ALG14: variants seen among roughly 807,000 people sequenced by gnomAD.
ALG14 encodes the protein UDP-N-acetylglucosamine transferase subunit ALG14.
A neutral mutation model predicts 22.8 loss-of-function variants in ALG14; 17 were observed. The observed-to-expected ratio is 0.75, with a 90% CI of 0.51 to 1.12. The LOEUF (loss-of-function observed/expected upper bound fraction) is 1.12. Ranked by LOEUF, ALG14 falls within the 50% of genes most tolerant of loss-of-function variation. The pLI is 0.00. For missense variants in ALG14, 288 were observed against 271.8 expected (o/e 1.06, Z -0.42); for synonymous variants, 89 against 103.7 (o/e 0.86, Z 0.86).
At position 95,003,380 on chromosome 1, in the gene ALG14, T is replaced by C. The variant is rs17112869; in HGVS notation, c.421-20074A>G. On this transcript the variant is annotated intron_variant, in intron 3 of 3. Transcript: ENST00000370205. ...ACAGGGGTTTGCAGGCACATAATAT[T>C]CCACAGTGGTTGTGGACTTTAAAAG... is the stretch of plus-strand genomic sequence containing the variant. Among the ~76,000 whole-genome samples the C allele has an allele frequency of 3.2e-3, 480 of 151,822 alleles. 1 individual carries two copies. Among genetic ancestry groups the C allele is most frequent in the African/African-American group, 0.011 (463 of 41,426 alleles).
intron 3 of ALG14, among the ~76,000 whole-genome samples, chr1:95,006,816 AAT>A (rs759159158): frequency 6.6e-6 from 1 of 152,212 alleles, no homozygotes; most frequent in Non-Finnish European, 1.5e-5. Flanking sequence ...TGGTCTCTGT[AAT>A]ACTTTCTGGT....
At position 95,065,019 on chromosome 1, in the gene ALG14, T is replaced by C; in HGVS notation, c.137-2A>G. On this transcript the variant is annotated splice_acceptor_variant, in intron 1 of 3. Coordinates refer to ENST00000370205, the MANE Select transcript of ALG14 (RefSeq NM_144988.4). LOFTEE classifies it high-confidence loss of function. Reference sequence around the variant, plus strand: ...TCAGGATCTCAGTGGTATGCCCACCTGGAAAAAATATCAGAAGTCCTAAGA... The same window carrying C: ...TCAGGATCTCAGTGGTATGCCCACCCGGAAAAAATATCAGAAGTCCTAAGA... 1.9e-6 allele frequency: 3 copies of C among 1,608,424 alleles called. No homozygotes were observed. Among genetic ancestry groups the C allele is most frequent in the Non-Finnish European group, 2.5e-6 (3 of 1,177,342 alleles).
intron 3 of ALG14, among the ~76,000 whole-genome samples, chr1:94,996,526 A>G (rs1261765923): frequency 6.6e-6 from 1 of 152,200 alleles, no homozygotes; most frequent in African/African-American, 2.4e-5. Context: ...TTCCCATAGC[A>G]GAGAGAACTG....
chr1:95,056,324 T>A (rs1417398165), intron 2 of ALG14, among the ~76,000 whole-genome samples: 1 of 152,142 alleles, frequency 6.6e-6, no homozygotes, highest in African/African-American at 2.4e-5. Context: ...AAGAAATCAA[T>A]TCCAGATGAA....
At chr1:94,994,924 T>A (rs1201349984) in intron 3 of ALG14, among the ~76,000 whole-genome samples, 1 of 152,204 alleles carries the variant, frequency 6.6e-6, no homozygotes, top group Non-Finnish European at 1.5e-5. Flanking sequence ...GAGAAAATGG[T>A]GAAATGGTTA....
At chr1:95,000,894 C>CAA (rs1673048115) in intron 3 of ALG14, among the ~76,000 whole-genome samples, 1 of 152,012 alleles carries the variant, frequency 6.6e-6, no homozygotes, top group African/African-American at 2.4e-5. Context: ...TGACCAATTC[C>CAA]ACCTCAGGCT....
intron 3 of ALG14, among the ~76,000 whole-genome samples, chr1:95,009,703 G>A (rs535220222): frequency 1.3e-5 from 2 of 152,256 alleles, no homozygotes; most frequent in East Asian, 3.9e-4. Context: ...GGAGACTAAG[G>A]AGATCTAACA....
At chr1:95,049,929 G>A (rs986939971) in intron 2 of ALG14, among the ~76,000 whole-genome samples, 4 of 152,090 alleles carry the variant, frequency 2.6e-5, no homozygotes, top group Admixed American at 2.0e-4. Flanking sequence ...AAAACATTTA[G>A]AAATTTATTG....
At chr1:95,011,467 C>T (rs552057390) in intron 3 of ALG14, among the ~76,000 whole-genome samples, 1 of 151,704 alleles carries the variant, frequency 6.6e-6, no homozygotes, top group Non-Finnish European at 1.5e-5. Context: ...ACTCTGTCGC[C>T]CAGGCTGGAG....
At chr1:94,990,461 G>A (rs1672744027) in intron 3 of ALG14, among the ~76,000 whole-genome samples, 1 of 152,072 alleles carries the variant, frequency 6.6e-6, no homozygotes, top group Admixed American at 6.5e-5. Context: ...CTAAACCCTC[G>A]AATCCCTGAC....
intron 3 of ALG14, among the ~76,000 whole-genome samples, chr1:95,008,857 T>C (rs1056434313): frequency 6.6e-6 from 1 of 152,128 alleles, no homozygotes; most frequent in Non-Finnish European, 1.5e-5. Context: ...GTAATGTCTA[T>C]TCTGCTTTCT....
At position 95,035,208 on chromosome 1, in the gene ALG14, T is replaced by G. The variant is rs577491979; in HGVS notation, c.289-7948A>C. Among the ~76,000 whole-genome samples, 28 of 152,322 alleles carry G rather than the reference T, an allele frequency of 1.8e-4. No individual in the cohort carries two copies. The South Asian group carries it at 4.6e-3, about 25-fold the overall frequency. ...TGTTTTGTTTTGTTTTCTCTCTTTCTTCTCTGTCTCTTTCTCTCTTCTTTC... is the reference window on the plus strand; with the variant it reads ...TGTTTTGTTTTGTTTTCTCTCTTTCGTCTCTGTCTCTTTCTCTCTTCTTTC... On this transcript the variant is annotated intron_variant, in intron 2 of 3. Coordinates refer to ENST00000370205, the MANE Select transcript of ALG14 (RefSeq NM_144988.4).
chr1:95,044,319 T>C (rs576807674), intron 2 of ALG14, among the ~76,000 whole-genome samples: 1 of 152,296 alleles, frequency 6.6e-6, no homozygotes, highest in Admixed American at 6.5e-5. Context: ...AACAGTATGA[T>C]TGTGTCACTC....
At chr1:95,035,160 T>G (rs1364615923) in intron 2 of ALG14, among the ~76,000 whole-genome samples, 6 of 152,288 alleles carry the variant, frequency 3.9e-5, no homozygotes, top group African/African-American at 1.4e-4. Flanking sequence ...GGTTATATGT[T>G]CCTAGAAAGG....
At chr1:95,042,331 C>T (rs1674406594) in intron 2 of ALG14, among the ~76,000 whole-genome samples, 1 of 151,608 alleles carries the variant, frequency 6.6e-6, no homozygotes, top group Non-Finnish European at 1.5e-5. Context: ...CACACACATA[C>T]ACACAGTTTG....
intron 2 of ALG14, among the ~76,000 whole-genome samples, chr1:95,040,503 A>G (rs74101989): frequency 0.046 from 7,033 of 152,230 alleles, 212 homozygotes; most frequent in South Asian, 0.083. Flanking sequence ...GCCTGGCCAC[A>G]TGCAGAGCTT....
chr1:94,991,965 T>C (rs1308278246), intron 3 of ALG14, among the ~76,000 whole-genome samples: 1 of 152,052 alleles, frequency 6.6e-6, no homozygotes, highest in Non-Finnish European at 1.5e-5. Flanking sequence ...CACCTCCACA[T>C]CTTGTCCCAC....
chr1:95,018,423 C>A (rs1286686359), intron 3 of ALG14, among the ~76,000 whole-genome samples: 1 of 151,950 alleles, frequency 6.6e-6, no homozygotes, highest in African/African-American at 2.4e-5. Flanking sequence ...GTAATCCCTG[C>A]TACTCGGGAG....
chr1:95,018,880 C>G (rs889442239), intron 3 of ALG14, among the ~76,000 whole-genome samples: 1 of 152,194 alleles, frequency 6.6e-6, no homozygotes, highest in Non-Finnish European at 1.5e-5. Context: ...ACTGCCTCCA[C>G]TAACAAGGTT....
Sources: gnomAD v4.1 joint callset for allele counts (sites outside exome capture counted in the v4.1 genomes callset) on GRCh38, gnomAD v4.1.1 for gene constraint, MANE v1.5 for transcripts, NCBI Gene and HGNC (gene_info 2026-07-23, HGNC 2026-07-21) for gene names.